The following ERC1 variants were observed in gnomAD, a reference collection of about 807,000 sequenced individuals.
ERC1 encodes RAB6 interacting protein 2.
ERC1 carries 56 observed loss-of-function variants against 132.0 expected under a neutral mutation model. That is an observed-to-expected ratio of 0.42 (90% CI 0.34 to 0.53). The LOEUF is 0.53. ERC1 is among the 20% of genes least tolerant of loss of function. The pLI is 0.03. For synonymous variants in ERC1, 478 were observed against 476.1 expected, an observed-to-expected ratio of 1.00 and a Z score of -0.05; for missense variants, 1,202 against 1,349.9, an observed-to-expected ratio of 0.89 and a Z score of 1.72.
Position 1,159,666 on chromosome 12 carries a change from C to T in ERC1, c.1737+17879C>T, listed in dbSNP as rs147135839. On this transcript the variant is annotated intron_variant, in intron 8 of 18. Coordinates refer to ENST00000360905, the MANE Select transcript of ERC1 (RefSeq NM_178040.4). ...TCCTACGTGAAGTATTTTTATTCCC[C>T]TCATTGTTCTTATTTGCTTTGGTTA... 8.5e-5 allele frequency among the ~76,000 whole-genome samples: 13 copies of T among 152,284 alleles called. 1 individual carries two copies. In the East Asian group the frequency reaches 2.5e-3, roughly 29 times the overall value.
chr12:1,204,891 A>C (rs966518015), intron 12 of ERC1, among the ~76,000 whole-genome samples: 2 of 152,218 alleles, frequency 1.3e-5, no homozygotes, highest in Non-Finnish European at 2.9e-5. Flanking sequence ...GAAAGTCACA[A>C]CTGCCTATAG....
At chr12:1,069,108 T>G (rs1054858482) in intron 2 of ERC1, among the ~76,000 whole-genome samples, 5 of 152,234 alleles carry the variant, frequency 3.3e-5, no homozygotes, top group African/African-American at 1.2e-4. Flanking sequence ...CACAGCTTTC[T>G]TTGAAAATGC....
intron 17 of ERC1, among the ~76,000 whole-genome samples, chr12:1,424,793 T>TGATAGATAGATA (rs139054161): frequency 2.6e-4 from 29 of 110,086 alleles, no homozygotes; most frequent in Non-Finnish European, 4.1e-4. Context: ...GAGCTTGAGA[T>TGATAGATAGATA]GATAGATAGA....
intron 15 of ERC1, among the ~76,000 whole-genome samples, chr12:1,363,221 C>A (rs532460754): frequency 6.6e-6 from 1 of 152,142 alleles, no homozygotes; most frequent in Admixed American, 6.5e-5. Flanking sequence ...AGTAGAGATA[C>A]AGATGTCGAG....
At chr12:1,451,657 A>T (rs1348154339) in intron 18 of ERC1, among the ~76,000 whole-genome samples, 2 of 152,174 alleles carry the variant, frequency 1.3e-5, no homozygotes, top group Non-Finnish European at 2.9e-5. Flanking sequence ...AATAAATTTT[A>T]AAAAAGAACT....
At chr12:1,382,684 A>G (rs1042948040) in intron 16 of ERC1, among the ~76,000 whole-genome samples, 1 of 152,222 alleles carries the variant, frequency 6.6e-6, no homozygotes, top group Non-Finnish European at 1.5e-5. Flanking sequence ...AAATCAACAT[A>G]TTTACCTGTA....
chr12:1,312,652 C>A (rs1449840630), intron 15 of ERC1, among the ~76,000 whole-genome samples: 2 of 152,184 alleles, frequency 1.3e-5, no homozygotes, highest in Non-Finnish European at 2.9e-5. Flanking sequence ...AACCACCACA[C>A]CCGGCCAAAG....
chr12:1,392,535 C>T (rs565664001), intron 16 of ERC1, among the ~76,000 whole-genome samples: 1 of 152,108 alleles, frequency 6.6e-6, no homozygotes, highest in Non-Finnish European at 1.5e-5. Flanking sequence ...AAAACCATAC[C>T]TCTGGCAGCA....
chr12:1,104,616 G>A lies in ERC1; in HGVS notation c.1087-134G>A, dbSNP rs922037787. On this transcript the variant is annotated intron_variant, in intron 3 of 18. Transcript: ENST00000360905. Reference sequence around the variant, plus strand: ...GTGGATTCCCTGATTCACAGGGAAAGGTTGGTAACACAGAAGGGGTCATTG... The same window carrying A: ...GTGGATTCCCTGATTCACAGGGAAAAGTTGGTAACACAGAAGGGGTCATTG... 1.9e-5 allele frequency: 12 copies of A among 645,784 alleles called. No individual in the cohort carries two copies. The African/African-American group carries it at 2.1e-4, about 12-fold the overall frequency. 40.0% of individuals were successfully genotyped at this position (645,784 alleles called of 1,614,324 possible).
chr12:1,153,580 C>T (rs1224096539), intron 8 of ERC1, among the ~76,000 whole-genome samples: 1 of 152,232 alleles, frequency 6.6e-6, no homozygotes, highest in African/African-American at 2.4e-5. Context: ...ATGATTGGTA[C>T]TTAATTTTGG....
At chr12:1,373,571 G>C (rs1002513290) in intron 16 of ERC1, among the ~76,000 whole-genome samples, 1 of 152,190 alleles carries the variant, frequency 6.6e-6, no homozygotes, top group Non-Finnish European at 1.5e-5. Flanking sequence ...CATGAGGTCA[G>C]GAAATCGAGA....
intron 7 of ERC1, chr12:1,116,291 C>A: frequency 3.3e-6 from 1 of 305,210 alleles, no homozygotes; most frequent in Admixed American, 4.9e-5. Context: ...AAAGTATACT[C>A]TGACAGTATT....
At chr12:1,418,607 C>T (rs1300324562) in intron 17 of ERC1, among the ~76,000 whole-genome samples, 5 of 98,854 alleles carry the variant, frequency 5.1e-5, no homozygotes, top group African/African-American at 3.2e-4. Context: ...TTCTTTCTTT[C>T]TTTCTTTCTT....
intron 13 of ERC1, among the ~76,000 whole-genome samples, chr12:1,244,280 T>C (rs2076018420): frequency 1.3e-5 from 2 of 152,144 alleles, no homozygotes; most frequent in Non-Finnish European, 2.9e-5. Flanking sequence ...AGAATAGCAA[T>C]TAATTATGTC....
chr12:1,391,788 G>A (rs2154382773), intron 16 of ERC1, among the ~76,000 whole-genome samples: 1 of 152,304 alleles, frequency 6.6e-6, no homozygotes, highest in African/African-American at 2.4e-5. Flanking sequence ...TTCCTTTGGA[G>A]GCTTCTTTGG....
intron 15 of ERC1, among the ~76,000 whole-genome samples, chr12:1,369,472 C>T (rs541006415): frequency 6.6e-6 from 1 of 152,316 alleles, no homozygotes; most frequent in Non-Finnish European, 1.5e-5. Flanking sequence ...ACTTATCTGT[C>T]ATTCACCTGC....
intron 16 of ERC1, among the ~76,000 whole-genome samples, chr12:1,374,766 C>T (rs1282045568): frequency 6.6e-6 from 1 of 151,308 alleles, no homozygotes; most frequent in East Asian, 1.9e-4. Context: ...TGGCTCTGCC[C>T]CTGTGTGCTC....
intron 13 of ERC1, among the ~76,000 whole-genome samples, chr12:1,246,774 A>G (rs2076181043): frequency 1.3e-5 from 2 of 152,228 alleles, no homozygotes; most frequent in South Asian, 4.1e-4. Context: ...AAAAATGTGT[A>G]GCCTCATTCC....
intron 16 of ERC1, among the ~76,000 whole-genome samples, chr12:1,397,485 G>T (rs542587744): frequency 1.3e-5 from 2 of 152,148 alleles, no homozygotes; most frequent in Non-Finnish European, 2.9e-5. Context: ...TGTAGAAAGG[G>T]ATGAGAAAGA....
Sources: gnomAD v4.1 joint callset for allele counts (sites outside exome capture counted in the v4.1 genomes callset) on GRCh38, gnomAD v4.1.1 for gene constraint, MANE v1.5 for transcripts, NCBI Gene and HGNC (gene_info 2026-07-23, HGNC 2026-07-21) for gene names.